Variants in ATRNL1 observed in about 807,000 individuals in gnomAD.
ATRNL1 encodes attractin like 1, also known as attractin-like protein 1.
Under a neutral mutation model 182.7 loss-of-function variants are expected in ATRNL1, and 95 were observed. The observed-to-expected ratio is 0.52, with a 90% CI of 0.44 to 0.62. ATRNL1 has a LOEUF of 0.62. Ranked by LOEUF, ATRNL1 falls within the 20% of genes least tolerant of loss-of-function variation. The pLI, the probability that ATRNL1 is intolerant of heterozygous loss-of-function variation, is 0.00. For synonymous variants in ATRNL1, 576 were observed against 568.3 expected, an observed-to-expected ratio of 1.01 and a Z score of -0.19; for missense variants, 1,471 against 1,679.5, an observed-to-expected ratio of 0.88 and a Z score of 2.17.
At chr10:115,359,944 T>C (rs1226444385) in intron 19 of ATRNL1, among the ~76,000 whole-genome samples, 1 of 151,636 alleles carries the variant, frequency 6.6e-6, no homozygotes, top group Non-Finnish European at 1.5e-5. Flanking sequence ...ATACATTTTG[T>C]GCATTCTTCT....
chr10:115,896,315 T>C (rs1288828413), intron 28 of ATRNL1, among the ~76,000 whole-genome samples: 2 of 152,214 alleles, frequency 1.3e-5, no homozygotes, highest in Non-Finnish European at 2.9e-5. Context: ...AAGATATCAC[T>C]TTTTTATATT....
chr10:115,655,250 C>T (rs529988818), intron 26 of ATRNL1, among the ~76,000 whole-genome samples: 7 of 151,934 alleles, frequency 4.6e-5, no homozygotes, highest in South Asian at 2.1e-4. Flanking sequence ...CATTGATAAC[C>T]GGAAAAAAAG....
chr10:115,549,484 C>T lies in ATRNL1; in HGVS notation c.3743C>T (p.Ala1248Val). 6.2e-7 allele frequency: 1 copy of T among 1,602,098 alleles called. No homozygotes were observed. The highest frequency in any genetic ancestry group is 8.5e-7 in the Non-Finnish European group (1 of 1,173,656). The stretch of plus-strand genomic sequence containing the variant: ...TGTTTCCTATCCTTATTGCTGGTGG[C>T]TGCTGTGGTATGGAAGATCAAACAA... ...FSCFLSLLLV[A>V]AVVWKIKQTC... The change falls in exon 26 of 29, where the codon GCT becomes GTT. Residue 1248 changes from alanine to valine, a missense_variant. Coordinates refer to ENST00000355044, the MANE Select transcript of ATRNL1 (RefSeq NM_207303.4).
Position 115,295,135 on chromosome 10 carries a change from G to A in ATRNL1, c.2416-4899G>A, listed in dbSNP as rs549462960. 6.6e-5 allele frequency among the ~76,000 whole-genome samples: 10 copies of A among 152,192 alleles called. No homozygotes were observed. The East Asian group carries it at 1.7e-3, about 27-fold the overall frequency. On this transcript the variant is annotated intron_variant, in intron 15 of 28. Transcript: ENST00000355044. ...TAAGATGTGAGTGTATAGCTGCTCA[G>A]TTGGCCTGGAAAGATTTTTTCCAGG...
At chr10:115,203,276 A>T (rs1343570336) in intron 8 of ATRNL1, among the ~76,000 whole-genome samples, 2 of 152,178 alleles carry the variant, frequency 1.3e-5, no homozygotes, top group African/African-American at 4.8e-5. Context: ...CGAAACTTCA[A>T]ACCTAGAGCA....
intron 5 of ATRNL1, among the ~76,000 whole-genome samples, chr10:115,158,254 C>T (rs1294556331): frequency 1.5e-4 from 23 of 151,894 alleles, no homozygotes; most frequent in African/African-American, 5.6e-4. Flanking sequence ...CATGTCTTTT[C>T]AGTTAAATTA....
At chr10:115,711,146 T>G (rs1406854484) in intron 26 of ATRNL1, among the ~76,000 whole-genome samples, 1 of 152,114 alleles carries the variant, frequency 6.6e-6, no homozygotes, top group Non-Finnish European at 1.5e-5. Flanking sequence ...AATATATCAT[T>G]TTTATTATTG....
At chr10:115,124,282 A>C (rs901746536) in intron 3 of ATRNL1, among the ~76,000 whole-genome samples, 2 of 152,120 alleles carry the variant, frequency 1.3e-5, no homozygotes, top group African/African-American at 4.8e-5. Flanking sequence ...TAAAAGTTTG[A>C]TAATTCACTA....
intron 19 of ATRNL1, among the ~76,000 whole-genome samples, chr10:115,346,690 G>GA (rs1212565025): frequency 1.3e-5 from 2 of 151,858 alleles, no homozygotes; most frequent in Admixed American, 6.6e-5. Flanking sequence ...ATCTTCCTTG[G>GA]AGAAATGTCT....
chr10:115,336,795 A>T (rs1273353743), intron 19 of ATRNL1, among the ~76,000 whole-genome samples: 5 of 152,022 alleles, frequency 3.3e-5, no homozygotes, highest in African/African-American at 7.2e-5. Context: ...GCAAAGTGAA[A>T]CCCACATAAC....
intron 28 of ATRNL1, among the ~76,000 whole-genome samples, chr10:115,882,436 A>C (rs7080369): frequency 6.6e-6 from 1 of 152,078 alleles, no homozygotes; most frequent in Non-Finnish European, 1.5e-5. Flanking sequence ...ACACTGAGTT[A>C]GTTGTTCTTT....
At chr10:115,175,243 C>G (rs1847455935) in intron 8 of ATRNL1, among the ~76,000 whole-genome samples, 1 of 151,888 alleles carries the variant, frequency 6.6e-6, no homozygotes, top group Non-Finnish European at 1.5e-5. Context: ...ACGTTTGTCC[C>G]ACTCAGCCAT....
intron 26 of ATRNL1, among the ~76,000 whole-genome samples, chr10:115,643,537 GC>G (rs1555031230): frequency 6.6e-6 from 1 of 151,980 alleles, no homozygotes; most frequent in Non-Finnish European, 1.5e-5. Flanking sequence ...AATTTGTAGA[GC>G]ACATATCTGA....
intron 26 of ATRNL1, among the ~76,000 whole-genome samples, chr10:115,602,544 G>A (rs527975712): frequency 4.2e-4 from 64 of 152,124 alleles, no homozygotes; most frequent in African/African-American, 1.2e-3. Flanking sequence ...TAGAGGCTCC[G>A]TCCTACAGGC....
At chr10:115,383,708 A>C (rs1395791275) in intron 19 of ATRNL1, among the ~76,000 whole-genome samples, 2 of 151,956 alleles carry the variant, frequency 1.3e-5, no homozygotes, top group Non-Finnish European at 2.9e-5. Context: ...TTTAAATTGG[A>C]TATGTGAGGC....
intron 27 of ATRNL1, among the ~76,000 whole-genome samples, chr10:115,789,909 A>G (rs1173543121): frequency 6.6e-6 from 1 of 152,174 alleles, no homozygotes; most frequent in Non-Finnish European, 1.5e-5. Context: ...CACAACCAAG[A>G]GGTTATTTTT....
intron 20 of ATRNL1, among the ~76,000 whole-genome samples, chr10:115,404,815 CT>C (rs11408585): frequency 1.9e-3 from 260 of 136,566 alleles, no homozygotes; most frequent in East Asian, 0.012. Context: ...AACCTCCCAG[CT>C]TTTTTTTTTT....
intron 28 of ATRNL1, among the ~76,000 whole-genome samples, chr10:115,921,015 T>C (rs1221410600): frequency 6.6e-6 from 1 of 152,222 alleles, no homozygotes; most frequent in Non-Finnish European, 1.5e-5. Flanking sequence ...TTCCTTCCCT[T>C]CTACAGTATC....
intron 15 of ATRNL1, among the ~76,000 whole-genome samples, chr10:115,298,974 A>G (rs1853337747): frequency 6.6e-6 from 1 of 152,012 alleles, no homozygotes; most frequent in Admixed American, 6.6e-5. Flanking sequence ...GATCTCTAGG[A>G]CTATATGCAC....
Sources: allele counts gnomAD v4.1 joint callset (sites outside exome capture counted in the v4.1 genomes callset), GRCh38; gene constraint gnomAD v4.1.1; transcripts MANE v1.5; gene names NCBI Gene and HGNC (gene_info 2026-07-23, HGNC 2026-07-21).